The following RAB31 variants were observed in gnomAD, a reference collection of about 807,000 sequenced individuals.
RAB31 encodes RAB31, member RAS oncogene family.
Under a neutral mutation model 25.6 loss-of-function variants are expected in RAB31, and 21 were observed. The ratio of observed to expected loss-of-function variants is 0.82; its 90% CI spans 0.58 to 1.18. The LOEUF (loss-of-function observed/expected upper bound fraction) is 1.18. Among genes scored for constraint, RAB31 ranks in the 50% most tolerant of loss-of-function variants. The probability of loss-of-function intolerance (pLI) is 0.00; values close to 1 mark genes in which losing one functional copy is unlikely to be tolerated. For missense variants in RAB31, 196 were observed against 250.1 expected (o/e 0.78, Z 1.46); for synonymous variants, 87 against 84.0 (o/e 1.04, Z -0.20).
Position 9,781,068 on chromosome 18 carries a change from T to C in RAB31, c.119+5711T>C, listed in dbSNP as rs2068401477. Reference sequence around the variant, plus strand: ...AACTCTTAGCAATGGAATAATTTAGTCCAAGAATAAAAATCTATTTAAGGC... The same window carrying C: ...AACTCTTAGCAATGGAATAATTTAGCCCAAGAATAAAAATCTATTTAAGGC... On this transcript the variant is annotated intron_variant, in intron 2 of 6. Transcript: ENST00000578921. Among the ~76,000 whole-genome samples, 4 of 152,222 alleles carry C rather than the reference T, an allele frequency of 2.6e-5. No individual in the cohort carries two copies. In the South Asian group the frequency reaches 8.3e-4, roughly 31 times the overall value.
intron 5 of RAB31, among the ~76,000 whole-genome samples, chr18:9,841,343 T>C (rs2068732614): frequency 6.6e-6 from 1 of 151,356 alleles, no homozygotes; most frequent in Non-Finnish European, 1.5e-5. Context: ...ATCAAGACCA[T>C]CCTGGCTAAC....
At chr18:9,712,924 G>T (rs911800950) in intron 1 of RAB31, among the ~76,000 whole-genome samples, 6 of 152,208 alleles carry the variant, frequency 3.9e-5, no homozygotes, top group Non-Finnish European at 8.8e-5. Flanking sequence ...TGTGATCTTT[G>T]TTGGAATGTA....
intron 1 of RAB31, among the ~76,000 whole-genome samples, chr18:9,741,435 C>A (rs2068178757): frequency 1.4e-5 from 2 of 145,650 alleles, no homozygotes; most frequent in East Asian, 2.0e-4. Flanking sequence ...TGGATTGTGG[C>A]AAACTTCAGA....
chr18:9,709,998 A>C (rs922453490), intron 1 of RAB31, among the ~76,000 whole-genome samples: 13 of 152,182 alleles, frequency 8.5e-5, no homozygotes, highest in African/African-American at 3.1e-4. Context: ...GGAAAGGTGA[A>C]ATAGGACATA....
intron 2 of RAB31, among the ~76,000 whole-genome samples, chr18:9,778,803 C>T (rs1442703450): frequency 5.3e-5 from 8 of 152,156 alleles, no homozygotes; most frequent in African/African-American, 1.9e-4. Context: ...TCAGAATTTA[C>T]CTGCTAATAC....
chr18:9,860,458 G>A lies in RAB31; in HGVS notation c.*1133G>A, dbSNP rs549834829. On this transcript the variant is annotated 3_prime_UTR_variant, in exon 7 of 7. Transcript: ENST00000578921. The stretch of plus-strand genomic sequence containing the variant: ...TGCCAAGGAACTGAGAATGGGCTCC[G>A]ATGAAAACCTTCCTTTTCAGATTCC... 5 of 152,180 alleles carry A rather than the reference G, an allele frequency of 3.3e-5. No homozygotes were observed. Among genetic ancestry groups the A allele is most frequent in the East Asian group, 1.9e-4 (1 of 5,196 alleles). The allele number at this position is 152,180 out of a possible 1,614,324, so 9.4% of individuals were successfully genotyped here. A position where few individuals can be genotyped will look rare whatever the true frequency, so the allele number is the denominator to read the frequency against.
chr18:9,860,237 T>G lies in RAB31; in HGVS notation c.*912T>G, dbSNP rs185658964. 9.2e-5 allele frequency: 14 copies of G among 152,344 alleles called. No individual in the cohort carries two copies. Among genetic ancestry groups the G allele is most frequent in the African/African-American group, 3.4e-4 (14 of 41,578 alleles). The allele number at this position is 152,344 out of a possible 1,614,324, so 9.4% of individuals were successfully genotyped here. ...GGAAGAGAATTAACTAGAATTAAAT[T>G]TAATGTTTGAATCTAAATCATTGGG... On this transcript the variant is annotated 3_prime_UTR_variant, in exon 7 of 7. Transcript: ENST00000578921.
chr18:9,774,001 T>A lies in RAB31; in HGVS notation c.40-1277T>A, dbSNP rs190787886. On this transcript the variant is annotated intron_variant, in intron 1 of 6. Transcript: ENST00000578921. ...AAGAGGTTGGTTGTATTCTCAACGA[T>A]CTTTTAAAATAACATCCTGCTGTTT... 3.9e-5 allele frequency among the ~76,000 whole-genome samples: 6 copies of A among 152,280 alleles called. 1 individual carries two copies. The highest frequency in any genetic ancestry group is 2.1e-4 in the South Asian group (1 of 4,826).
At chr18:9,812,087 GA>G (rs1190254505) in intron 3 of RAB31, among the ~76,000 whole-genome samples, 7 of 152,198 alleles carry the variant, frequency 4.6e-5, no homozygotes, top group Admixed American at 4.6e-4. Flanking sequence ...GCAGGGCAGG[GA>G]GAGAAGGGAG....
At chr18:9,816,777 T>A (rs933184649) in intron 5 of RAB31, among the ~76,000 whole-genome samples, 2 of 152,224 alleles carry the variant, frequency 1.3e-5, no homozygotes, top group African/African-American at 4.8e-5. Context: ...ATAGCGAATT[T>A]GTGGTATCTC....
chr18:9,725,914 C>T (rs180898068), intron 1 of RAB31: 23 of 152,338 alleles, frequency 1.5e-4, no homozygotes, highest in Admixed American at 1.2e-3. Context: ...ACAGCAGCAG[C>T]GACAACAATA....
chr18:9,721,798 C>A (rs548155332), intron 1 of RAB31, among the ~76,000 whole-genome samples: 3 of 151,848 alleles, frequency 2.0e-5, no homozygotes, highest in Non-Finnish European at 4.4e-5. Flanking sequence ...GGGTGACAGG[C>A]GGTGCACAAA....
chr18:9,746,220 T>C (rs2145475515), intron 1 of RAB31, among the ~76,000 whole-genome samples: 1 of 152,254 alleles, frequency 6.6e-6, no homozygotes, highest in South Asian at 2.1e-4. Flanking sequence ...GTGAAAAACA[T>C]ATACAATGAA....
chr18:9,828,795 T>C (rs2068662805), intron 5 of RAB31, among the ~76,000 whole-genome samples: 1 of 152,144 alleles, frequency 6.6e-6, no homozygotes, highest in African/African-American at 2.4e-5. Flanking sequence ...TTATTCCAAA[T>C]ACTAAAAGCA....
intron 1 of RAB31, among the ~76,000 whole-genome samples, chr18:9,751,077 C>G (rs112837695): frequency 6.6e-6 from 1 of 152,190 alleles, no homozygotes; most frequent in Middle Eastern, 3.4e-3. Flanking sequence ...CATGGTCACC[C>G]GGGCTGGAGT....
intron 1 of RAB31, among the ~76,000 whole-genome samples, chr18:9,752,289 A>G (rs189156156): frequency 4.6e-5 from 7 of 151,776 alleles, no homozygotes; most frequent in Middle Eastern, 3.4e-3. Flanking sequence ...CAGTGGTGTG[A>G]TCTTGGCTCA....
In RAB31 at chr18:9,845,573, C is replaced by CT; in HGVS notation, c.381-5dup. The CT allele has an allele frequency of 6.5e-7, 1 of 1,529,702 alleles. No individual in the cohort carries two copies. The highest frequency in any genetic ancestry group is 1.3e-5 in the South Asian group (1 of 79,074). The allele number at this position is 1,529,702 out of a possible 1,614,324, so 94.8% of individuals were successfully genotyped here. On this transcript the variant is annotated splice_polypyrimidine_tract_variant and intron_variant, in intron 5 of 6. Transcript: ENST00000578921. ...TTCATTTCCTGTCTACATTTGACCT[C>CT]TTTTCCAGGGAGGTTCCCCTGAAGG...
intron 3 of RAB31, among the ~76,000 whole-genome samples, chr18:9,798,395 T>A (rs942876432): frequency 6.6e-6 from 1 of 152,234 alleles, no homozygotes; most frequent in East Asian, 1.9e-4. Context: ...CTTGTAATGA[T>A]GTTGCCTAAT....
chr18:9,725,008 G>C (rs1478553516), intron 1 of RAB31, among the ~76,000 whole-genome samples: 12 of 152,146 alleles, frequency 7.9e-5, no homozygotes, highest in Admixed American at 7.9e-4. Flanking sequence ...TGGGTCGGTT[G>C]GGTGCTAATC....
Sources: allele counts gnomAD v4.1 joint callset (sites outside exome capture counted in the v4.1 genomes callset), GRCh38; gene constraint gnomAD v4.1.1; transcripts MANE v1.5; gene names NCBI Gene and HGNC (gene_info 2026-07-23, HGNC 2026-07-21).